The following PAPPA2 variants were observed in gnomAD, a reference collection of about 807,000 sequenced individuals.
PAPPA2 encodes pappalysin-2.
A neutral mutation model predicts 176.4 loss-of-function variants in PAPPA2; 86 were observed. The ratio of observed to expected loss-of-function variants is 0.49; its 90% confidence interval spans 0.41 to 0.58. PAPPA2 has a LOEUF of 0.58. Among genes scored for constraint, PAPPA2 ranks in the 20% least tolerant of loss-of-function variants. PAPPA2 has a pLI of 0.00. For missense variants in PAPPA2, 2,073 were observed against 2,256.9 expected (o/e 0.92, Z 1.65); for synonymous variants, 809 against 852.2 (o/e 0.95, Z 0.88).
chr1:176,786,994 G>T (rs563475319), intron 17 of PAPPA2, among the ~76,000 whole-genome samples: 79 of 152,182 alleles, frequency 5.2e-4, no homozygotes, highest in African/African-American at 1.8e-3. Flanking sequence ...TTACCTGGGT[G>T]ATGAAATAAT....
intron 3 of PAPPA2, among the ~76,000 whole-genome samples, chr1:176,614,033 A>T (rs976504655): frequency 2.6e-5 from 4 of 152,218 alleles, no homozygotes; most frequent in African/African-American, 7.2e-5. Context: ...TTGGGAAATA[A>T]GGAAAAACTC....
intron 12 of PAPPA2, among the ~76,000 whole-genome samples, chr1:176,716,097 T>G (rs1661355514): frequency 6.6e-6 from 1 of 151,808 alleles, no homozygotes; most frequent in African/African-American, 2.4e-5. Flanking sequence ...TGGCCCCAAC[T>G]GTATTTGGTT....
chr1:176,623,715 T>G (rs1249299337), intron 3 of PAPPA2, among the ~76,000 whole-genome samples: 2 of 146,040 alleles, frequency 1.4e-5, no homozygotes, highest in East Asian at 4.0e-4. Flanking sequence ...TCTTTTCTTC[T>G]TTCTTTCTTT....
chr1:176,762,559 T>C (rs1663747713), intron 14 of PAPPA2, among the ~76,000 whole-genome samples: 2 of 152,220 alleles, frequency 1.3e-5, no homozygotes, highest in Non-Finnish European at 2.9e-5. Flanking sequence ...TATTAATGAC[T>C]CTCTGTTTCC....
At chr1:176,479,806 G>T (rs1462237944) in intron 1 of PAPPA2, among the ~76,000 whole-genome samples, 1 of 152,166 alleles carries the variant, frequency 6.6e-6, no homozygotes, top group African/African-American at 2.4e-5. Flanking sequence ...CTGCAGTCAG[G>T]AAGCCTCAGC....
intron 21 of PAPPA2, among the ~76,000 whole-genome samples, chr1:176,800,990 T>A (rs1665659039): frequency 1.3e-5 from 2 of 152,100 alleles, no homozygotes; most frequent in South Asian, 4.2e-4. Flanking sequence ...AAAAGTCAAC[T>A]TTTAAATTGA....
At chr1:176,471,442 A>G (rs964112534) in intron 1 of PAPPA2, among the ~76,000 whole-genome samples, 10 of 152,200 alleles carry the variant, frequency 6.6e-5, no homozygotes, top group Non-Finnish European at 1.0e-4. Flanking sequence ...TATAAAATAA[A>G]ACACAAATAT....
At chr1:176,568,813 A>G (rs1652140537) in intron 2 of PAPPA2, among the ~76,000 whole-genome samples, 1 of 152,184 alleles carries the variant, frequency 6.6e-6, no homozygotes, top group Admixed American at 6.5e-5. Context: ...TTCGGTCACA[A>G]TAATTCTGAC....
At chr1:176,834,526 G>A (rs1028404507) in intron 21 of PAPPA2, among the ~76,000 whole-genome samples, 6 of 152,192 alleles carry the variant, frequency 3.9e-5, no homozygotes, top group African/African-American at 1.4e-4. Context: ...TGGGCTGTAG[G>A]CATATGTTGA....
chr1:176,773,122 G>A (rs1664306703), intron 17 of PAPPA2, among the ~76,000 whole-genome samples: 1 of 152,152 alleles, frequency 6.6e-6, no homozygotes, highest in Non-Finnish European at 1.5e-5. Context: ...GAAAGTGGAT[G>A]CTTGCATCAC....
rs1558479725 is a variant in PAPPA2, at chr1:176,623,763, CTTT to C, written c.1991+28169_1991+28171del. Among the ~76,000 whole-genome samples, 71 of 94,280 alleles carry C rather than the reference CTTT, an allele frequency of 7.5e-4. 1 individual carries two copies. The highest frequency in any genetic ancestry group is 1.9e-3 in the African/African-American group (45 of 23,572). The allele number at this position is 94,280 out of a possible 152,430, so 61.9% of individuals were successfully genotyped here. ...TTCTCTCTCTTTCCTTCCTTCCTTTCTTTCTTTCTTTCTTTCTTTCTTTCTTTC... is the reference window on the plus strand; with the variant it reads ...TTCTCTCTCTTTCCTTCCTTCCTTTCCTTTCTTTCTTTCTTTCTTTCTTTC... On this transcript the variant is annotated intron_variant, in intron 3 of 22. Transcript: ENST00000367662.
At chr1:176,577,286 C>T (rs1652707139) in intron 2 of PAPPA2, among the ~76,000 whole-genome samples, 2 of 152,288 alleles carry the variant, frequency 1.3e-5, no homozygotes, top group African/African-American at 4.8e-5. Context: ...CATGCTCTCC[C>T]TGCAAATCTG....
rs760775045 is a variant in PAPPA2, at chr1:176,670,981, G to A, written c.2003G>A (p.Ser668Asn). Residue 668 changes from serine to asparagine, a missense_variant, in exon 4 of 23, where the codon AGT becomes AAT. This residue lies in a region of PAPPA2 where 1,196 missense variants were observed against 1,330.4 expected (regional missense o/e 0.90). Transcript: ENST00000367662. Reference protein sequence around the residue: ...DPDSPKRAYMSVKELKEALQL... With the variant: ...DPDSPKRAYMNVKELKEALQL... ...TGCATGCTCTCTAGGGCATACATGA[G>A]TGTGAAGGAGCTGAAGGAGGCCCTG... 1 of 1,613,824 alleles carries A rather than the reference G, an allele frequency of 6.2e-7. No homozygotes were observed. Among genetic ancestry groups the A allele is most frequent in the South Asian group, 1.1e-5 (1 of 91,076 alleles).
intron 2 of PAPPA2, among the ~76,000 whole-genome samples, chr1:176,586,701 A>G (rs1317366898): frequency 1.3e-5 from 2 of 152,166 alleles, no homozygotes; most frequent in African/African-American, 2.4e-5. Flanking sequence ...ACTGATGGGC[A>G]TTTGGGTTGG....
Position 176,594,857 on chromosome 1 carries a change from A to G in PAPPA2, c.1253A>G (p.Tyr418Cys), listed in dbSNP as rs1255127478. ...GGAGACAGCTCTGAGGATGGGCACT[A>G]TTTCCGTGGACACCTGGGCACACTG... ...LGGDSSEDGH[Y>C]FRGHLGTLVF... Residue 418 changes from tyrosine to cysteine, a missense_variant, in exon 3 of 23, where the codon TAT becomes TGT. This residue lies in a region of PAPPA2 where 1,196 missense variants were observed against 1,330.4 expected (regional missense o/e 0.90). Coordinates refer to ENST00000367662, the MANE Select transcript of PAPPA2 (RefSeq NM_020318.3). The G allele has an allele frequency of 1.2e-6, 2 of 1,614,094 alleles. No homozygotes were observed. The highest frequency in any genetic ancestry group is 1.7e-5 in the Admixed American group (1 of 60,022).
chr1:176,702,805 GA>G, intron 9 of PAPPA2, 70 bp downstream of exon 9: 1 of 1,543,766 alleles, frequency 6.5e-7, no homozygotes, highest in Non-Finnish European at 8.8e-7. Context: ...GAGAGAGAGG[GA>G]GGGAGAGAGA....
At chr1:176,507,386 T>A (rs1648334551) in intron 1 of PAPPA2, among the ~76,000 whole-genome samples, 1 of 152,108 alleles carries the variant, frequency 6.6e-6, no homozygotes, top group South Asian at 2.1e-4. Flanking sequence ...GGAGATTTCT[T>A]AAAGAACATA....
intron 3 of PAPPA2, among the ~76,000 whole-genome samples, chr1:176,646,037 G>A (rs1657380549): frequency 6.6e-6 from 1 of 151,270 alleles, no homozygotes; most frequent in South Asian, 2.1e-4. Flanking sequence ...TCATTCTATG[G>A]GTTGTCTTTT....
At chr1:176,698,202 T>C (rs1380361387) in intron 7 of PAPPA2, among the ~76,000 whole-genome samples, 2 of 152,196 alleles carry the variant, frequency 1.3e-5, no homozygotes, top group Non-Finnish European at 2.9e-5. Flanking sequence ...TTGGTAAATG[T>C]AGGTATTTAA....
Sources: allele counts gnomAD v4.1 joint callset (sites outside exome capture counted in the v4.1 genomes callset), GRCh38; gene constraint gnomAD v4.1.1; regional missense constraint gnomAD v4.1.1; transcripts MANE v1.5; gene names NCBI Gene and HGNC (gene_info 2026-07-23, HGNC 2026-07-21).